The following FEM1A variants were observed in gnomAD, a reference collection of about 807,000 sequenced individuals.
The protein encoded by FEM1A is protein fem-1 homolog A.
In FEM1A, 1 loss-of-function variant was observed where a neutral mutation model predicts 0.7. The ratio of observed to expected loss-of-function variants is 1.35; its 90% CI spans 0.48 to 6.40. The LOEUF (loss-of-function observed/expected upper bound fraction) is 6.40. Among genes scored for constraint, FEM1A ranks in the 30% most tolerant of loss-of-function variants. FEM1A has a pLI of 0.14. For missense variants in FEM1A, 721 were observed against 918.7 expected (o/e 0.78, Z 2.78); for synonymous variants, 391 against 420.6 (o/e 0.93, Z 0.86).
chr19:4,793,714 G>A lies in FEM1A; in HGVS notation c.1860G>A (p.Leu620=), dbSNP rs2093557665. The A allele has an allele frequency of 6.2e-7, 1 of 1,612,800 alleles. No individual in the cohort carries two copies. Among genetic ancestry groups the A allele is most frequent in the African/African-American group, 1.3e-5 (1 of 74,890 alleles). The part of the protein sequence containing the change: ...TNAFKKTAYE[L]LDEKLLARGT... ...CCTTCAAGAAGACGGCCTACGAGCT[G>A]CTGGACGAGAAGCTGCTGGCCAGGG... The change falls in exon 1 of 1, where the codon CTG becomes CTA. Residue 620 remains leucine (L), a synonymous_variant. Coordinates refer to ENST00000269856, the MANE Select transcript of FEM1A (RefSeq NM_018708.3). The surrounding 1 kb of genome is among the most constrained non-coding windows in gnomAD (Gnocchi z 5.1).
Position 4,793,280 on chromosome 19 carries a change from G to T in FEM1A, c.1426G>T (p.Glu476Ter), listed in dbSNP as rs371110900. The T allele has an allele frequency of 7.7e-5, 124 of 1,613,150 alleles. No homozygotes were observed. Among genetic ancestry groups the T allele is most frequent in the Non-Finnish European group, 9.7e-5 (115 of 1,179,976 alleles). Residue 476 changes from glutamate (E) to a stop codon, truncating the protein, a stop_gained, in exon 1 of 1, where the codon GAA (glutamate) becomes TAA (stop). Transcript: ENST00000269856. LOFTEE classifies it low-confidence loss of function (END_TRUNC). This position sits in a 1 kb window ranked among gnomAD's most constrained non-coding sequence, Gnocchi z 5.1. ...GVLTKGVREV[E>*]RALQLPREPG... ...TCTCACCAAAGGGGTCCGGGAAGTG[G>T]AACGGGCCCTGCAGCTGCCCAGGGA...
chr19:4,793,161 T>C lies in FEM1A; in HGVS notation c.1307T>C (p.Leu436Pro), dbSNP rs1271815935. The C allele has an allele frequency of 4.3e-6, 7 of 1,613,430 alleles. No homozygotes were observed. Among genetic ancestry groups the C allele is most frequent in the South Asian group, 1.1e-5 (1 of 91,078 alleles). Residue 436 changes from leucine (L) to proline (P), a missense_variant, in exon 1 of 1, where the codon CTC becomes CCC. Leu to Pro is a moderately conservative substitution (Grantham distance 98). Transcript: ENST00000269856. The surrounding 1 kb of genome is among the most constrained non-coding windows in gnomAD (Gnocchi z 5.1). ...AGCCCCATGACCGCCAGCAGCTTCC[T>C]CTCCTTCGCGGAACTCTTCTCCTAC... ...PLSPMTASSFLSFAELFSYVL... is the reference protein window; with the variant it reads ...PLSPMTASSFPSFAELFSYVL...
In FEM1A at chr19:4,796,784, G is replaced by C. The variant is rs1025917833; in HGVS notation, c.*2920G>C. ...TGGGGCACCGCATGCTGCTTCCATG[G>C]TGCATTGGGTTGGAGGGCTCTTCTC... On this transcript the variant is annotated 3_prime_UTR_variant, in exon 1 of 1. Coordinates refer to ENST00000269856, the MANE Select transcript of FEM1A (RefSeq NM_018708.3). 6.6e-6 allele frequency: 1 copy of C among 152,506 alleles called. No homozygotes were observed. Among genetic ancestry groups the C allele is most frequent in the African/African-American group, 2.4e-5 (1 of 41,472 alleles). 9.4% of individuals were successfully genotyped at this position (152,506 alleles called of 1,614,324 possible). A position where few individuals can be genotyped will look rare whatever the true frequency, so the allele number is the denominator to read the frequency against.
chr19:4,798,745 T>TA lies in FEM1A; in HGVS notation c.*4881_*4882insA, dbSNP rs1278395881. ...CGGGACGCCAGACACATGGATCCCTTTCCCCTGCTTTCTGGTGTTGTTTTG... is the reference window on the plus strand; with the variant it reads ...CGGGACGCCAGACACATGGATCCCTTATCCCCTGCTTTCTGGTGTTGTTTTG... On this transcript the variant is annotated 3_prime_UTR_variant, in exon 1 of 1. Transcript: ENST00000269856. The TA allele has an allele frequency of 6.6e-6, 1 of 152,198 alleles. No homozygotes were observed. Among genetic ancestry groups the TA allele is most frequent in the Non-Finnish European group, 1.5e-5 (1 of 68,054 alleles). 9.4% of individuals were successfully genotyped at this position (152,198 alleles called of 1,614,324 possible). A position where few individuals can be genotyped will look rare whatever the true frequency, so the allele number is the denominator to read the frequency against.
rs779621266 is a variant in FEM1A at position 4,793,782 on chromosome 19, C to T, written c.1928C>T (p.Ala643Val). ...AACTACGTGACCCTGCAGTGCCTTG[C>T]GGCCCGGGCCCTGGATAAGAACAAG... ...PFNYVTLQCL[A>V]ARALDKNKIP... is the part of the protein sequence containing the mutation. The change falls in exon 1 of 1, where the codon GCG becomes GTG. Residue 643 changes from alanine (A) to valine (V), a missense_variant. Physicochemically the swap from Ala to Val is moderately conservative, Grantham distance 64. Coordinates refer to ENST00000269856, the MANE Select transcript of FEM1A (RefSeq NM_018708.3). The surrounding 1 kb of genome is among the most constrained non-coding windows in gnomAD (Gnocchi z 5.1). 4 of 1,611,130 alleles carry T rather than the reference C, an allele frequency of 2.5e-6. No individual in the cohort carries two copies. Among genetic ancestry groups the T allele is most frequent in the East Asian group, 2.2e-5 (1 of 44,864 alleles).
chr19:4,793,108 C>T lies in FEM1A; in HGVS notation c.1254C>T (p.Asp418=), dbSNP rs771370817. Residue 418 remains aspartate, a synonymous_variant, in exon 1 of 1, where the codon GAC becomes GAT. Transcript: ENST00000269856. The surrounding 1 kb of genome is among the most constrained non-coding windows in gnomAD (Gnocchi z 5.1). ...TCCGCTTGTGGAAGTACGCCCTGGA[C>T]ATGCAACAGAGCAACCTGGAGCCTC... The part of the protein sequence containing the change: ...RCIRLWKYAL[D]MQQSNLEPLS... 2.5e-6 allele frequency: 4 copies of T among 1,613,660 alleles called. No individual in the cohort carries two copies. In the South Asian group the frequency reaches 4.4e-5, roughly 18 times the overall value.
At position 4,792,618 on chromosome 19, in the gene FEM1A, A is replaced by G. The variant is rs1381971559; in HGVS notation, c.764A>G (p.Gln255Arg). Residue 255 changes from glutamine to arginine, a missense_variant, in exon 1 of 1, where the codon CAA (glutamine) becomes CGA (arginine). Gln to Arg is a conservative substitution (Grantham distance 43). Transcript: ENST00000269856. The surrounding 1 kb of genome is among the most constrained non-coding windows in gnomAD (Gnocchi z 6.7). Reference sequence around the variant, plus strand: ...GGAGAGGCTCAGCCTGGGCTGCCCCAAGAAGACCCCTCCACCAGCCAGGGG... The same window carrying G: ...GGAGAGGCTCAGCCTGGGCTGCCCCGAGAAGACCCCTCCACCAGCCAGGGG... ...AGGEAQPGLP[Q>R]EDPSTSQGCA... The G allele has an allele frequency of 6.2e-7, 1 of 1,611,620 alleles. No homozygotes were observed. Among genetic ancestry groups the G allele is most frequent in the South Asian group, 1.1e-5 (1 of 90,998 alleles).
In FEM1A at chr19:4,791,832, A is replaced by G; in HGVS notation, c.-23A>G. ...CTCCCCGTCCCCCGGCGGCCGGCCC[A>G]TGGCCTGGCGGAGGCCCGAACCATG... On this transcript the variant is annotated 5_prime_UTR_variant, in exon 1 of 1. An upstream start codon of the reference 5' UTR is lost. Coordinates refer to ENST00000269856, the MANE Select transcript of FEM1A (RefSeq NM_018708.3). 6.8e-7 allele frequency: 1 copy of G among 1,477,678 alleles called. No individual in the cohort carries two copies. 91.5% of individuals were successfully genotyped at this position (1,477,678 alleles called of 1,614,324 possible).
rs1018740544 is a variant in FEM1A, at chr19:4,797,656, G to T, written c.*3792G>T. 1.3e-5 allele frequency: 2 copies of T among 151,790 alleles called. No homozygotes were observed. Among genetic ancestry groups the T allele is most frequent in the Non-Finnish European group, 2.9e-5 (2 of 68,102 alleles). The allele number at this position is 151,790 out of a possible 1,614,324, so 9.4% of individuals were successfully genotyped here. ...GACCTATCTAAAGTAAGTCCTGGCC[G>T]GGCACGGTGGCTCACACCTGTAATC... On this transcript the variant is annotated 3_prime_UTR_variant, in exon 1 of 1. Transcript: ENST00000269856.
In FEM1A at chr19:4,793,897, CCT is replaced by C. The variant is rs2093557962; in HGVS notation, c.*37_*38del. The C allele has an allele frequency of 1.3e-6, 2 of 1,564,210 alleles. No homozygotes were observed. ...AGAACGCCTGCACCCTCACCTCTCC[CCT>C]CTCCTGCTGAGATGGGGGAAATCCG... On this transcript the variant is annotated 3_prime_UTR_variant, in exon 1 of 1. Transcript: ENST00000269856. The surrounding 1 kb of genome is among the most constrained non-coding windows in gnomAD (Gnocchi z 5.1).
Position 4,792,412 on chromosome 19 carries a change from C to T in FEM1A, c.558C>T (p.Ala186=), listed in dbSNP as rs1289191850. 6.3e-7 allele frequency: 1 copy of T among 1,595,834 alleles called. No individual in the cohort carries two copies. Among genetic ancestry groups the T allele is most frequent in the South Asian group, 1.1e-5 (1 of 90,924 alleles). The change falls in exon 1 of 1, where the codon GCC becomes GCT. Residue 186 remains alanine, a synonymous_variant. Coordinates refer to ENST00000269856, the MANE Select transcript of FEM1A (RefSeq NM_018708.3). The surrounding 1 kb of genome is among the most constrained non-coding windows in gnomAD (Gnocchi z 6.7). Reference sequence around the variant, plus strand: ...GGCGCAGCGCCAAGGGCAACACGGCCCTGCATGACTGCGCCGAGTCCGGCA... The same window carrying T: ...GGCGCAGCGCCAAGGGCAACACGGCTCTGCATGACTGCGCCGAGTCCGGCA... ...VNRRSAKGNT[A]LHDCAESGSL...
In FEM1A at chr19:4,792,315, T is replaced by A; in HGVS notation, c.461T>A (p.Leu154His). The change falls in exon 1 of 1, where the codon CTC becomes CAC. Residue 154 changes from leucine to histidine, a missense_variant. Coordinates refer to ENST00000269856, the MANE Select transcript of FEM1A (RefSeq NM_018708.3). The surrounding 1 kb of genome is among the most constrained non-coding windows in gnomAD (Gnocchi z 6.7). ...EVANRHGHTC[L>H]MISCYKGHRE... ...GCCAACCGGCACGGCCACACGTGCC[T>A]CATGATCTCGTGCTACAAGGGCCAC... is the stretch of plus-strand genomic sequence containing the variant. 6.3e-7 allele frequency: 1 copy of A among 1,590,508 alleles called. No individual in the cohort carries two copies. Among genetic ancestry groups the A allele is most frequent in the Non-Finnish European group, 8.5e-7 (1 of 1,176,588 alleles).
In FEM1A at chr19:4,794,493, G is replaced by A. The variant is rs1236395398; in HGVS notation, c.*629G>A. On this transcript the variant is annotated 3_prime_UTR_variant, in exon 1 of 1. Transcript: ENST00000269856. ...TGGTGTTCTGTTTATTTAATAAGTG[G>A]GCAGGTTGCAAGCGTTGCACAGAAA... 1 of 166,912 alleles carries A rather than the reference G, an allele frequency of 6.0e-6. No homozygotes were observed. The highest frequency in any genetic ancestry group is 1.9e-4 in the East Asian group (1 of 5,190). 10.3% of individuals were successfully genotyped at this position (166,912 alleles called of 1,614,324 possible). A position where few individuals can be genotyped will look rare whatever the true frequency, so the allele number is the denominator to read the frequency against.
chr19:4,791,972 G>C lies in FEM1A; in HGVS notation c.118G>C (p.Gly40Arg), dbSNP rs751368207. 1 of 1,532,994 alleles carries C rather than the reference G, an allele frequency of 6.5e-7. No homozygotes were observed. Among genetic ancestry groups the C allele is most frequent in the Admixed American group, 2.0e-5 (1 of 51,014 alleles). 95.0% of individuals were successfully genotyped at this position (1,532,994 alleles called of 1,614,324 possible). The change falls in exon 1 of 1, where the codon GGC becomes CGC. Residue 40 changes from glycine (G) to arginine (R), a missense_variant. Coordinates refer to ENST00000269856, the MANE Select transcript of FEM1A (RefSeq NM_018708.3). ...GGACGAGCTGACGGGCGAGGTGGCC[G>C]GCGGGGGAACGCCGCTACTCATCGC... ...ELDELTGEVA[G>R]GGTPLLIAAR... is the part of the protein sequence containing the mutation.
In FEM1A at chr19:4,792,606, C is replaced by G. The variant is rs1367984018; in HGVS notation, c.752C>G (p.Pro251Arg). The change falls in exon 1 of 1, where the codon CCT becomes CGT. Residue 251 changes from proline to arginine, a missense_variant. Around this residue, in one of 4 missense-constraint regions of FEM1A, gnomAD observed 137 missense variants for 121.7 expected, o/e 1.13. Coordinates refer to ENST00000269856, the MANE Select transcript of FEM1A (RefSeq NM_018708.3). This position sits in a 1 kb window ranked among gnomAD's most constrained non-coding sequence, Gnocchi z 6.7. ...QEQVAGGEAQPGLPQEDPSTS... is the reference protein window; with the variant it reads ...QEQVAGGEAQRGLPQEDPSTS... ...CAGGTCGCAGGGGGAGAGGCTCAGC[C>G]TGGGCTGCCCCAAGAAGACCCCTCC... 10 of 1,611,054 alleles carry G rather than the reference C, an allele frequency of 6.2e-6. No homozygotes were observed. Among genetic ancestry groups the G allele is most frequent in the Non-Finnish European group, 8.5e-6 (10 of 1,179,726 alleles).
rs1016474071 is a variant in FEM1A at position 4,798,826 on chromosome 19, G to T, written c.*4962G>T. 6.6e-6 allele frequency: 1 copy of T among 152,088 alleles called. No individual in the cohort carries two copies. The highest frequency in any genetic ancestry group is 2.4e-5 in the African/African-American group (1 of 41,388). The allele number at this position is 152,088 out of a possible 1,614,324, so 9.4% of individuals were successfully genotyped here. A position where few individuals can be genotyped will look rare whatever the true frequency, so the allele number is the denominator to read the frequency against. ...GCCATCCTGCCTCCGCATCCTGAGC[G>T]TCTGTTTCCCTCGGGGATCTGCCAG... On this transcript the variant is annotated 3_prime_UTR_variant, in exon 1 of 1. Coordinates refer to ENST00000269856, the MANE Select transcript of FEM1A (RefSeq NM_018708.3).
In FEM1A at chr19:4,793,696, G is replaced by C. The variant is rs980897389; in HGVS notation, c.1842G>C (p.Lys614Asn). The C allele has an allele frequency of 4.3e-6, 7 of 1,612,914 alleles. No homozygotes were observed. In the African/African-American group the frequency reaches 8.0e-5, roughly 18 times the overall value. Residue 614 changes from lysine to asparagine, a missense_variant, in exon 1 of 1, where the codon AAG (lysine) becomes AAC (asparagine). Physicochemically the swap from Lys to Asn is moderately conservative, Grantham distance 94. This residue lies in a region of FEM1A where 379 missense variants were observed against 454.8 expected (regional missense o/e 0.83). Transcript: ENST00000269856. This position sits in a 1 kb window ranked among gnomAD's most constrained non-coding sequence, Gnocchi z 5.1. ...ACATGGACGCCACCAATGCCTTCAA[G>C]AAGACGGCCTACGAGCTGCTGGACG... The part of the protein sequence containing the change: ...GAHMDATNAF[K>N]KTAYELLDEK...
In FEM1A at chr19:4,800,122, C is replaced by G. The variant is rs1025869790; in HGVS notation, c.*6258C>G. The G allele has an allele frequency of 2.6e-5, 4 of 151,724 alleles. No homozygotes were observed. Among genetic ancestry groups the G allele is most frequent in the African/African-American group, 9.7e-5 (4 of 41,328 alleles). The allele number at this position is 151,724 out of a possible 1,614,324, so 9.4% of individuals were successfully genotyped here. Reference sequence around the variant, plus strand: ...TGTTTACACAGCAGCCCTCTAAAGGCGGAAAAACATGTCAGAGTCCCATGG... The same window carrying G: ...TGTTTACACAGCAGCCCTCTAAAGGGGGAAAAACATGTCAGAGTCCCATGG... On this transcript the variant is annotated 3_prime_UTR_variant, in exon 1 of 1. Transcript: ENST00000269856.
In FEM1A at chr19:4,798,082, A is replaced by AT. The variant is rs1871207704; in HGVS notation, c.*4218_*4219insT. 2.6e-5 allele frequency: 3 copies of AT among 117,324 alleles called. No individual in the cohort carries two copies. The South Asian group carries it at 8.1e-4, about 32-fold the overall frequency. 7.3% of individuals were successfully genotyped at this position (117,324 alleles called of 1,614,324 possible). On this transcript the variant is annotated 3_prime_UTR_variant, in exon 1 of 1. Coordinates refer to ENST00000269856, the MANE Select transcript of FEM1A (RefSeq NM_018708.3). ...ACCCCGTCTCTACTAAAAATACAAA[A>AT]ATTAGCCGGGTGTGGTGGCAGGTGC...
Sources: allele counts gnomAD v4.1 joint callset, GRCh38; gene constraint gnomAD v4.1.1; regional missense constraint gnomAD v4.1.1; non-coding constraint Gnocchi (gnomAD v3.1); transcripts MANE v1.5; gene names NCBI Gene and HGNC (gene_info 2026-07-23, HGNC 2026-07-21).